The following NSMAF variants were observed in gnomAD, a reference collection of about 807,000 sequenced individuals.
The protein encoded by NSMAF is protein FAN.
In NSMAF, 90 loss-of-function variants were observed where a neutral mutation model predicts 134.9. That is an observed-to-expected ratio of 0.67 (90% CI 0.56 to 0.79). The LOEUF is 0.79. Among genes scored for constraint, NSMAF ranks in the 30% least tolerant of loss-of-function variants. The probability of loss-of-function intolerance (pLI) is 0.00; values close to 1 mark genes in which losing one functional copy is unlikely to be tolerated. For missense variants in NSMAF, 1,010 were observed against 1,119.0 expected (o/e 0.90, Z 1.39); for synonymous variants, 358 against 389.6 (o/e 0.92, Z 0.96).
At chr8:58,659,043 G>A (rs1226394350) in intron 1 of NSMAF, among the ~76,000 whole-genome samples, 1 of 152,176 alleles carries the variant, frequency 6.6e-6, no homozygotes, top group Non-Finnish European at 1.5e-5. Flanking sequence ...GTCTAAAGGA[G>A]TCGGCAGGAA....
chr8:58,638,143 C>T (rs927117082), intron 2 of NSMAF, among the ~76,000 whole-genome samples: 1 of 152,170 alleles, frequency 6.6e-6, no homozygotes, highest in Non-Finnish European at 1.5e-5. Context: ...TCAAAATGGG[C>T]TCAATCAATC....
chr8:58,589,986 G>C (rs1169299642), intron 25 of NSMAF, 21 bp downstream of exon 25: 1 of 1,605,726 alleles, frequency 6.2e-7, no homozygotes, highest in African/African-American at 1.3e-5. Context: ...GAATCACAGA[G>C]CAGGGTGCAC....
intron 1 of NSMAF, among the ~76,000 whole-genome samples, chr8:58,651,430 G>A (rs181995138): frequency 6.6e-6 from 1 of 152,054 alleles, no homozygotes; most frequent in Non-Finnish European, 1.5e-5. Context: ...CACTCAGCTG[G>A]ACTCTAGAAA....
At chr8:58,597,277 A>C (rs1157737236) in intron 21 of NSMAF, 110 bp downstream of exon 21, 7 of 969,222 alleles carry the variant, frequency 7.2e-6, no homozygotes, top group Non-Finnish European at 9.4e-6. Flanking sequence ...AGGAGAACAC[A>C]ATCATCTCTA....
intron 18 of NSMAF, 164 bp downstream of exon 18, chr8:58,599,586 C>A: frequency 1.1e-6 from 1 of 895,994 alleles, no homozygotes; most frequent in South Asian, 1.9e-5. Context: ...AATGTTTTTA[C>A]ATCACAGACT....
intron 16 of NSMAF, chr8:58,600,242 G>C: frequency 1.8e-6 from 1 of 569,126 alleles, no homozygotes; most frequent in East Asian, 2.9e-5. Context: ...GCGGGAGTGG[G>C]CATAGAGTCC....
At chr8:58,634,198 G>A (rs955583351) in intron 5 of NSMAF, among the ~76,000 whole-genome samples, 5 of 152,118 alleles carry the variant, frequency 3.3e-5, no homozygotes, top group African/African-American at 1.2e-4. Context: ...ATGAAGTTGA[G>A]GAAGCCTGTG....
chr8:58,599,597 C>T, intron 18 of NSMAF, 153 bp downstream of exon 18: 1 of 923,964 alleles, frequency 1.1e-6, no homozygotes, highest in Non-Finnish European at 1.6e-6. Context: ...ATCACAGACT[C>T]ATAGAATACT....
At chr8:58,624,097 A>G (rs974021027) in intron 6 of NSMAF, among the ~76,000 whole-genome samples, 12 of 129,378 alleles carry the variant, frequency 9.3e-5, no homozygotes, top group African/African-American at 3.6e-4. Flanking sequence ...GCTGGCGTGC[A>G]GTGGCACGAT....
Position 58,659,651 on chromosome 8 carries a change from G to C in NSMAF, c.-20C>G, listed in dbSNP as rs1351259780. On this transcript the variant is annotated 5_prime_UTR_variant, in exon 1 of 31. Coordinates refer to ENST00000038176, the MANE Select transcript of NSMAF (RefSeq NM_003580.4). ...CGCCATGGAGGGTAGGCGCGGGCGG[G>C]CGCAGAGCGCACAGGCAGGCCCCGC... is the stretch of plus-strand genomic sequence containing the variant. 3.5e-6 allele frequency: 5 copies of C among 1,415,066 alleles called. No homozygotes were observed. The African/African-American group carries it at 6.0e-5, about 17-fold the overall frequency. 87.7% of individuals were successfully genotyped at this position (1,415,066 alleles called of 1,614,324 possible). A position where few individuals can be genotyped will look rare whatever the true frequency, so the allele number is the denominator to read the frequency against.
In NSMAF at chr8:58,594,216, G is replaced by A. The variant is rs373732388; in HGVS notation, c.1951+16C>T. On this transcript the variant is annotated intron_variant, in intron 23 of 30. Transcript: ENST00000038176. ...TAGGATTTTGGTTAAGCCGCCTTTC[G>A]GGGAGGAACACTGACCTTGGGATGT... 8 of 1,612,810 alleles carry A rather than the reference G, an allele frequency of 5.0e-6. No homozygotes were observed. Among genetic ancestry groups the A allele is most frequent in the East Asian group, 2.2e-5 (1 of 44,886 alleles).
intron 9 of NSMAF, among the ~76,000 whole-genome samples, chr8:58,611,979 G>A (rs757623346): frequency 4.6e-5 from 7 of 152,156 alleles, no homozygotes; most frequent in Admixed American, 2.6e-4. Context: ...CTCCCAGTTT[G>A]TGGCACAGAG....
intron 9 of NSMAF, among the ~76,000 whole-genome samples, chr8:58,610,624 G>A (rs1241493408): frequency 6.6e-6 from 1 of 152,202 alleles, no homozygotes; most frequent in Non-Finnish European, 1.5e-5. Flanking sequence ...AGATCAACAG[G>A]TGAGTGGCAG....
At chr8:58,587,876 T>C (rs1187488057) in intron 26 of NSMAF, among the ~76,000 whole-genome samples, 175 bp from the exon 27 acceptor site, 2 of 152,242 alleles carry the variant, frequency 1.3e-5, no homozygotes, top group East Asian at 1.9e-4. Context: ...CCCACCAGCA[T>C]GTGCTTGCTT....
At position 58,621,156 on chromosome 8, in the gene NSMAF, G is replaced by A. The variant is rs769549927; in HGVS notation, c.557+2064C>T. Among the ~76,000 whole-genome samples the A allele has an allele frequency of 5.3e-5, 8 of 152,136 alleles. No individual in the cohort carries two copies. In the Middle Eastern group the frequency reaches 0.01, roughly 194 times the overall value. On this transcript the variant is annotated intron_variant, in intron 9 of 30. Transcript: ENST00000038176. ...ATTGTTCCCTTCTTTGCGTCCATTT[G>A]TACTCAATGTTCAGTTCCTACTTAT... is the stretch of plus-strand genomic sequence containing the variant.
At chr8:58,639,833 C>T (rs1299048795) in intron 2 of NSMAF, 1 of 226,944 alleles carries the variant, frequency 4.4e-6, no homozygotes, top group Non-Finnish European at 9.0e-6. Flanking sequence ...AATCCTGCTA[C>T]TTGTGGCCAT....
intron 26 of NSMAF, chr8:58,588,484 T>A: frequency 8.4e-7 from 1 of 1,189,476 alleles, no homozygotes; most frequent in South Asian, 1.2e-5. Context: ...GGGTGTTCGG[T>A]CCTTGCAGGC....
Position 58,624,423 on chromosome 8 carries a change from A to G in NSMAF, c.385-643T>C, listed in dbSNP as rs143505109. ...TAATTCTATAAACTTCCCTGTTTATACTGCTTTTGCTGCATCACCTAAGTT... is the reference window on the plus strand; with the variant it reads ...TAATTCTATAAACTTCCCTGTTTATGCTGCTTTTGCTGCATCACCTAAGTT... On this transcript the variant is annotated intron_variant, in intron 6 of 30. Transcript: ENST00000038176. 4.4e-3 allele frequency among the ~76,000 whole-genome samples: 666 copies of G among 151,924 alleles called. 3 individuals are homozygous for G. The highest frequency in any genetic ancestry group is 0.014 in the Middle Eastern group (4 of 292).
intron 18 of NSMAF, 75 bp from the exon 19 acceptor site, chr8:58,599,438 G>T: frequency 6.7e-7 from 1 of 1,496,872 alleles, no homozygotes; most frequent in Non-Finnish European, 9.1e-7. Flanking sequence ...CTATCTATAT[G>T]TATATAAAGC....
Sources: gnomAD v4.1 joint callset for allele counts (sites outside exome capture counted in the v4.1 genomes callset) on GRCh38, gnomAD v4.1.1 for gene constraint, MANE v1.5 for transcripts, NCBI Gene and HGNC (gene_info 2026-07-23, HGNC 2026-07-21) for gene names.